Variants in EFCAB6 observed in about 807,000 individuals in gnomAD.
EFCAB6 encodes the protein EF-hand calcium binding domain 6.
Under a neutral mutation model 169.8 loss-of-function variants are expected in EFCAB6, and 156 were observed. The observed-to-expected ratio is 0.92, with a 90% CI of 0.81 to 1.05. EFCAB6 has a LOEUF of 1.05. Ranked by LOEUF, EFCAB6 falls within the 50% of genes least tolerant of loss-of-function variation. The pLI, the probability that EFCAB6 is intolerant of heterozygous loss-of-function variation, is 0.00. For synonymous variants in EFCAB6, 698 were observed against 676.4 expected (o/e 1.03, Z -0.50); for missense variants, 1,800 against 1,829.1 (o/e 0.98, Z 0.29).
At chr22:43,748,133 G>C (rs1259365404) in intron 6 of EFCAB6, among the ~76,000 whole-genome samples, 6 of 152,282 alleles carry the variant, frequency 3.9e-5, no homozygotes, top group Admixed American at 1.3e-4. Context: ...TGACTTCCAA[G>C]CCTGGTAACA....
chr22:43,567,049 G>A (rs1431661347), intron 26 of EFCAB6, among the ~76,000 whole-genome samples: 3 of 152,094 alleles, frequency 2.0e-5, no homozygotes, highest in South Asian at 2.1e-4. Context: ...TCCAGACTCA[G>A]TGCAAGCTCA....
chr22:43,757,014 A>G (rs187863429), intron 5 of EFCAB6, among the ~76,000 whole-genome samples: 1 of 152,228 alleles, frequency 6.6e-6, no homozygotes, highest in Admixed American at 6.5e-5. Context: ...CAGGCTCGTG[A>G]GTCTGTGGGC....
intron 10 of EFCAB6, among the ~76,000 whole-genome samples, chr22:43,703,442 G>A (rs1411419260): frequency 2.0e-5 from 3 of 151,966 alleles, no homozygotes; most frequent in Non-Finnish European, 2.9e-5. Context: ...ATGACAGAAG[G>A]GTAACAGACT....
intron 10 of EFCAB6, among the ~76,000 whole-genome samples, chr22:43,700,688 T>C (rs1191847858): frequency 6.6e-6 from 1 of 152,202 alleles, no homozygotes; most frequent in Non-Finnish European, 1.5e-5. Flanking sequence ...TTTTGCCTTT[T>C]CCGGAATGTC....
Position 43,608,537 on chromosome 22 carries a change from G to A in EFCAB6, c.2626C>T (p.Leu876=), listed in dbSNP as rs1435315771. The change falls in exon 22 of 32, where the codon CTG becomes TTG. Residue 876 remains leucine (L), a synonymous_variant. Transcript: ENST00000262726. ...GTGAGGGGAATATCAAAACCGTACAGTGCGTTCTTTATGTCCCGGCGTCGA... is the reference window on the plus strand; with the variant it reads ...GTGAGGGGAATATCAAAACCGTACAATGCGTTCTTTATGTCCCGGCGTCGA... ...ILRRRDIKNA[L]YGFDIPLTPR... The A allele has an allele frequency of 1.2e-6, 2 of 1,614,196 alleles. No homozygotes were observed. The highest frequency in any genetic ancestry group is 4.5e-5 in the East Asian group (2 of 44,888).
intron 10 of EFCAB6, among the ~76,000 whole-genome samples, chr22:43,706,413 T>C (rs1295532329): frequency 6.6e-6 from 1 of 152,236 alleles, no homozygotes; most frequent in Non-Finnish European, 1.5e-5. Flanking sequence ...CGAATCACAT[T>C]GCATATTCTA....
intron 2 of EFCAB6, among the ~76,000 whole-genome samples, chr22:43,807,242 T>C (rs1028386081): frequency 2.0e-5 from 3 of 152,190 alleles, no homozygotes; most frequent in Admixed American, 1.3e-4. Flanking sequence ...AGGTTCTGAG[T>C]ATGACCAAGG....
At chr22:43,761,698 T>C (rs762893178) in intron 5 of EFCAB6, among the ~76,000 whole-genome samples, 10 of 152,346 alleles carry the variant, frequency 6.6e-5, no homozygotes, top group African/African-American at 2.4e-4. Flanking sequence ...TATTGGTTTG[T>C]AGTCCTCATT....
At chr22:43,669,874 T>A (rs2057413340) in intron 15 of EFCAB6, among the ~76,000 whole-genome samples, 1 of 152,154 alleles carries the variant, frequency 6.6e-6, no homozygotes, top group Non-Finnish European at 1.5e-5. Flanking sequence ...AACACTGAGG[T>A]GTGATTTACC....
At chr22:43,567,808 G>A (rs532835961) in intron 26 of EFCAB6, among the ~76,000 whole-genome samples, 7 of 152,258 alleles carry the variant, frequency 4.6e-5, no homozygotes, top group Admixed American at 2.0e-4. Context: ...ATCACCATGC[G>A]AGGCAGCCAC....
At chr22:43,625,527 C>T (rs2054443389) in intron 20 of EFCAB6, among the ~76,000 whole-genome samples, 1 of 152,160 alleles carries the variant, frequency 6.6e-6, no homozygotes, top group Admixed American at 6.5e-5. Context: ...TGGATGGTAG[C>T]CCCATTGTGC....
At chr22:43,735,786 C>T (rs919430122) in intron 7 of EFCAB6, 71 bp downstream of exon 7, 5 of 1,570,714 alleles carry the variant, frequency 3.2e-6, no homozygotes, top group Admixed American at 1.8e-5. Context: ...CCAATGAACC[C>T]AACAGGTCTC....
chr22:43,747,049 T>C (rs1399883878), intron 6 of EFCAB6, among the ~76,000 whole-genome samples: 3 of 152,192 alleles, frequency 2.0e-5, no homozygotes, highest in African/African-American at 7.2e-5. Flanking sequence ...CAGAAGACTG[T>C]TCAGGTTACG....
In EFCAB6 at chr22:43,537,829, C is replaced by T. The variant is rs2047469152; in HGVS notation, c.3880-284G>A. Among the ~76,000 whole-genome samples, 1 of 151,166 alleles carries T rather than the reference C, an allele frequency of 6.6e-6. No individual in the cohort carries two copies. The highest frequency in any genetic ancestry group is 6.6e-5 in the Admixed American group (1 of 15,176). The stretch of plus-strand genomic sequence containing the variant: ...CAGATGAGATGTAAACATATTTCTG[C>T]TGTGTGTGTGTGTGTGTGAGAAGTG... On this transcript the variant is annotated intron_variant, in intron 28 of 31. Coordinates refer to ENST00000262726, the MANE Select transcript of EFCAB6 (RefSeq NM_022785.4). The surrounding 1 kb of genome is among the most constrained non-coding windows in gnomAD (Gnocchi z 4.3).
At chr22:43,705,795 C>T (rs1035448085) in intron 10 of EFCAB6, among the ~76,000 whole-genome samples, 1 of 151,784 alleles carries the variant, frequency 6.6e-6, no homozygotes, top group South Asian at 2.1e-4. Flanking sequence ...ACAAGAAGAT[C>T]CCAAATGAAC....
chr22:43,534,809 T>C lies in EFCAB6; in HGVS notation c.4112A>G (p.Tyr1371Cys). ...KEECQQLIIK[Y>C]DLKSNGKFAY... ...AAATTTCCCGTTGCTCTTTAAGTCG[T>C]ATTTTATAATGAGCTGCTGACACTC... The change falls in exon 30 of 32, where the codon TAC (tyrosine) becomes TGC (cysteine). Residue 1371 changes from tyrosine to cysteine, a missense_variant. By Grantham distance (194) the Tyr-to-Cys change is radical (BLOSUM62 -2). Transcript: ENST00000262726. 1.2e-6 allele frequency: 2 copies of C among 1,614,134 alleles called. No homozygotes were observed. Among genetic ancestry groups the C allele is most frequent in the Non-Finnish European group, 1.7e-6 (2 of 1,180,018 alleles).
rs1324355546 is a variant in EFCAB6 at position 43,765,406 on chromosome 22, G to A, written c.352-13C>T. 2 of 1,595,876 alleles carry A rather than the reference G, an allele frequency of 1.3e-6. No individual in the cohort carries two copies. Among genetic ancestry groups the A allele is most frequent in the Non-Finnish European group, 1.7e-6 (2 of 1,164,900 alleles). On this transcript the variant is annotated splice_polypyrimidine_tract_variant and intron_variant, in intron 4 of 31. Coordinates refer to ENST00000262726, the MANE Select transcript of EFCAB6 (RefSeq NM_022785.4). The stretch of plus-strand genomic sequence containing the variant: ...TGCTAAGGGGGATCTACAGTCAAGG[G>A]AGAAGAATGACAACATGTTAGAGAA...
rs2054681965 is a variant in EFCAB6 at position 43,628,452 on chromosome 22, G to A, written c.2233-1773C>T. On this transcript the variant is annotated intron_variant, in intron 19 of 31. Transcript: ENST00000262726. This position sits in a 1 kb window ranked among gnomAD's most constrained non-coding sequence, Gnocchi z 4.8. Reference sequence around the variant, plus strand: ...GCTCCCAGCTGCCATCGTCGGCTCCGTGGCCTCTGCTCTGTGCAATCGCTC... The same window carrying A: ...GCTCCCAGCTGCCATCGTCGGCTCCATGGCCTCTGCTCTGTGCAATCGCTC... Among the ~76,000 whole-genome samples, 1 of 152,056 alleles carries A rather than the reference G, an allele frequency of 6.6e-6. No individual in the cohort carries two copies. Among genetic ancestry groups the A allele is most frequent in the African/African-American group, 2.4e-5 (1 of 41,396 alleles).
intron 27 of EFCAB6, among the ~76,000 whole-genome samples, chr22:43,543,764 C>T (rs1428187138): frequency 1.3e-5 from 2 of 152,146 alleles, no homozygotes; most frequent in Admixed American, 6.5e-5. Flanking sequence ...AGGAGCCCAG[C>T]ACCAGCAAAG....
Sources: allele counts gnomAD v4.1 joint callset (sites outside exome capture counted in the v4.1 genomes callset), GRCh38; gene constraint gnomAD v4.1.1; non-coding constraint Gnocchi (gnomAD v3.1); transcripts MANE v1.5; gene names NCBI Gene and HGNC (gene_info 2026-07-23, HGNC 2026-07-21).